The following PRMT3 variants were observed in gnomAD, a reference collection of about 807,000 sequenced individuals.
PRMT3 encodes protein arginine N-methyltransferase 3.
A neutral mutation model predicts 71.9 loss-of-function variants in PRMT3; 62 were observed. That is an observed-to-expected ratio of 0.86 (90% CI 0.70 to 1.07). The LOEUF (loss-of-function observed/expected upper bound fraction) is 1.07. Ranked by LOEUF, PRMT3 falls within the 50% of genes least tolerant of loss-of-function variation. The pLI is 0.00. For missense variants in PRMT3, 663 were observed against 643.0 expected (o/e 1.03, Z -0.34); for synonymous variants, 213 against 220.4 (o/e 0.97, Z 0.30).
chr11:20,444,603 A>T (rs1171841961), intron 10 of PRMT3, among the ~76,000 whole-genome samples: 1 of 152,138 alleles, frequency 6.6e-6, no homozygotes, highest in African/African-American at 2.4e-5. Context: ...TTTGGTTGTG[A>T]TAAGAGAACA....
chr11:20,396,370 G>A (rs978886232), intron 6 of PRMT3, among the ~76,000 whole-genome samples: 2 of 152,158 alleles, frequency 1.3e-5, no homozygotes, highest in African/African-American at 4.8e-5. Context: ...CGGGTGCGGT[G>A]GCTCACACCT....
chr11:20,451,592 T>C (rs1300889958), intron 10 of PRMT3, among the ~76,000 whole-genome samples: 3 of 152,108 alleles, frequency 2.0e-5, no homozygotes, highest in Admixed American at 6.6e-5. Context: ...GCTATTGACA[T>C]TTTGGGCCAG....
At position 20,498,281 on chromosome 11, in the gene PRMT3, TAC is replaced by T. The variant is rs564865436; in HGVS notation, c.1486+4031_1486+4032del. 9.5e-4 allele frequency among the ~76,000 whole-genome samples: 145 copies of T among 152,302 alleles called. 1 individual carries two copies. Among genetic ancestry groups the T allele is most frequent in the African/African-American group, 3.2e-3 (135 of 41,560 alleles). ...AACAGGAAGTATATTTGATACAAGCTACACATCGAAGAAACTCAATTAACCCG... is the reference window on the plus strand; with the variant it reads ...AACAGGAAGTATATTTGATACAAGCTACATCGAAGAAACTCAATTAACCCG... On this transcript the variant is annotated intron_variant, in intron 15 of 15. Coordinates refer to ENST00000331079, the MANE Select transcript of PRMT3 (RefSeq NM_005788.4).
At chr11:20,482,756 A>G (rs1850969321) in intron 13 of PRMT3, among the ~76,000 whole-genome samples, 1 of 151,804 alleles carries the variant, frequency 6.6e-6, no homozygotes, top group Admixed American at 6.6e-5. Context: ...TGAAGTACCT[A>G]ATGTTTACAG....
intron 9 of PRMT3, among the ~76,000 whole-genome samples, chr11:20,424,268 G>GGT (rs1312257112): frequency 4.1e-5 from 1 of 24,658 alleles, no homozygotes; most frequent in East Asian, 3.9e-4. Context: ...ACTTTAAGGA[G>GGT]GTACTATCAA....
Position 20,395,870 on chromosome 11 carries a change from A to G in PRMT3, c.468A>G (p.Thr156=), listed in dbSNP as rs112027108. The stretch of plus-strand genomic sequence containing the variant: ...ACCCCAATGGACTCAGTGAAAATAC[A>G]TCTGTTGTTGAAAAATTGAAACATA... ...FSYPNGLSEN[T]SVVEKLKHME... The change falls in exon 6 of 16, where the codon ACA becomes ACG. Residue 156 remains threonine (T), a synonymous_variant. Coordinates refer to ENST00000331079, the MANE Select transcript of PRMT3 (RefSeq NM_005788.4). 19 of 1,614,160 alleles carry G rather than the reference A, an allele frequency of 1.2e-5. No individual in the cohort carries two copies. The highest frequency in any genetic ancestry group is 1.6e-5 in the Non-Finnish European group (19 of 1,180,010).
rs1231533608 is a variant in PRMT3 at position 20,508,459 on chromosome 11, A to C, written c.*46A>C. The C allele has an allele frequency of 7.4e-7, 1 of 1,351,946 alleles. No homozygotes were observed. Among genetic ancestry groups the C allele is most frequent in the Non-Finnish European group, 1.1e-6 (1 of 941,650 alleles). 83.7% of individuals were successfully genotyped at this position (1,351,946 alleles called of 1,614,324 possible). ...ACCTTGTAGTTTTTAATGTGGGGGT[A>C]GAGTGGGTCAGCAGGAGGGAGCTGG... On this transcript the variant is annotated 3_prime_UTR_variant, in exon 16 of 16. Transcript: ENST00000331079.
chr11:20,425,188 T>C (rs1006165909), intron 9 of PRMT3, among the ~76,000 whole-genome samples: 1 of 151,714 alleles, frequency 6.6e-6, no homozygotes, highest in African/African-American at 2.4e-5. Context: ...GACATGGGAA[T>C]ATGGCAAGCA....
chr11:20,446,730 C>A (rs886148092), intron 10 of PRMT3, among the ~76,000 whole-genome samples: 4 of 152,134 alleles, frequency 2.6e-5, no homozygotes, highest in Non-Finnish European at 5.9e-5. Flanking sequence ...TGGCCAAATA[C>A]ATTAAACATT....
chr11:20,442,024 C>A (rs1039088907), intron 10 of PRMT3, among the ~76,000 whole-genome samples: 1 of 152,114 alleles, frequency 6.6e-6, no homozygotes, highest in African/African-American at 2.4e-5. Context: ...AACTCCTGAC[C>A]TCAGGTGATC....
chr11:20,468,993 G>GTCTTGAA lies in PRMT3; in HGVS notation c.1347+4457_1347+4463dup, dbSNP rs3045362. On this transcript the variant is annotated intron_variant, in intron 13 of 15. Coordinates refer to ENST00000331079, the MANE Select transcript of PRMT3 (RefSeq NM_005788.4). ...TAACATGTGATATTTATATGTAAAT[G>GTCTTGAA]TCTTGAATCTTGAATCATCTATAAT... 5.1e-3 allele frequency among the ~76,000 whole-genome samples: 771 copies of GTCTTGAA among 152,256 alleles called. 17 individuals carry two copies. Among genetic ancestry groups the GTCTTGAA allele is most frequent in the Admixed American group, 0.048 (736 of 15,282 alleles).
intron 11 of PRMT3, among the ~76,000 whole-genome samples, chr11:20,455,168 T>C (rs572648260): frequency 1.6e-3 from 249 of 152,156 alleles, no homozygotes; most frequent in African/African-American, 5.9e-3. Context: ...ACAACTACGA[T>C]TAAGACTAAA....
intron 9 of PRMT3, among the ~76,000 whole-genome samples, chr11:20,409,654 A>AACACACACACACACACAC (rs60686099): frequency 6.4e-4 from 93 of 144,322 alleles, no homozygotes; most frequent in African/African-American, 2.2e-3. Flanking sequence ...GGAATACACA[A>AACACACACACACACACAC]ACACACACAC....
intron 13 of PRMT3, among the ~76,000 whole-genome samples, chr11:20,486,361 A>G (rs181889958): frequency 3.5e-4 from 53 of 152,336 alleles, no homozygotes; most frequent in Middle Eastern, 3.4e-3. Context: ...ACACCTAGAC[A>G]TATCCTAGTG....
In PRMT3 at chr11:20,417,833, C is replaced by T. The variant is rs77410599; in HGVS notation, c.894-8933C>T. Among the ~76,000 whole-genome samples the T allele has an allele frequency of 9.6e-3, 1,454 of 152,164 alleles. 29 individuals are homozygous for T. Among genetic ancestry groups the T allele is most frequent in the African/African-American group, 0.034 (1,402 of 41,494 alleles). ...TGTGCACAGACACAACCCTCTTCTA[C>T]TCCCATACCTGTACACATCTTTGTG... On this transcript the variant is annotated intron_variant, in intron 9 of 15. Coordinates refer to ENST00000331079, the MANE Select transcript of PRMT3 (RefSeq NM_005788.4).
At chr11:20,475,436 C>G (rs1850756806) in intron 13 of PRMT3, among the ~76,000 whole-genome samples, 1 of 152,152 alleles carries the variant, frequency 6.6e-6, no homozygotes, top group Non-Finnish European at 1.5e-5. Context: ...TCATTCTTCT[C>G]TGTGAGTGCT....
At chr11:20,491,863 C>T (rs1851215812) in intron 13 of PRMT3, among the ~76,000 whole-genome samples, 2 of 152,152 alleles carry the variant, frequency 1.3e-5, no homozygotes, top group African/African-American at 4.8e-5. Context: ...TTTTCTAGCT[C>T]TCTCCTCTCC....
chr11:20,456,840 A>G (rs145756411), intron 11 of PRMT3, among the ~76,000 whole-genome samples: 295 of 152,270 alleles, frequency 1.9e-3, no homozygotes, highest in Non-Finnish European at 3.5e-3. Context: ...TTTACAGTTC[A>G]TGACTATAAT....
chr11:20,435,098 A>G (rs1351538697), intron 10 of PRMT3, among the ~76,000 whole-genome samples: 1 of 152,162 alleles, frequency 6.6e-6, no homozygotes, highest in Non-Finnish European at 1.5e-5. Context: ...TTTTGAGATC[A>G]TCTCCACAAA....
Sources: allele counts gnomAD v4.1 joint callset (sites outside exome capture counted in the v4.1 genomes callset), GRCh38; gene constraint gnomAD v4.1.1; transcripts MANE v1.5; gene names NCBI Gene and HGNC (gene_info 2026-07-23, HGNC 2026-07-21).